The following ALG6 variants were observed in gnomAD, a reference collection of about 807,000 sequenced individuals.
The protein encoded by ALG6 is dolichyl pyrophosphate Man9GlcNAc2 alpha-1,3-glucosyltransferase.
ALG6 carries 46 observed loss-of-function variants against 66.6 expected under a neutral mutation model. That is an observed-to-expected ratio of 0.69 (90% confidence interval 0.55 to 0.88). The LOEUF is 0.88. Among genes scored for constraint, ALG6 ranks in the 40% least tolerant of loss-of-function variants. ALG6 has a pLI of 0.00. For missense variants in ALG6, 505 were observed against 586.8 expected (o/e 0.86, Z 1.44); for synonymous variants, 185 against 203.7 (o/e 0.91, Z 0.78).
chr1:63,398,058 A>G (rs1570053823), intron 3 of ALG6, among the ~76,000 whole-genome samples: 1 of 152,164 alleles, frequency 6.6e-6, no homozygotes, highest in South Asian at 2.1e-4. Context: ...TTGACTTACT[A>G]GATGGTTGGT....
rs1570092883 is a variant in ALG6 at position 63,431,635 on chromosome 1, C to G, written c.1326+2509C>G. On this transcript the variant is annotated intron_variant, in intron 14 of 14. Coordinates refer to ENST00000263440, the MANE Select transcript of ALG6 (RefSeq NM_013339.4). The stretch of plus-strand genomic sequence containing the variant: ...GAATATTGCCGTCTTAATATTTAGT[C>G]TTCCAATGAACAAACACAGGATGTG... 2.0e-5 allele frequency among the ~76,000 whole-genome samples: 3 copies of G among 152,134 alleles called. No homozygotes were observed. The South Asian group carries it at 6.2e-4, about 32-fold the overall frequency.
rs553503409 is a variant in ALG6, at chr1:63,438,091, A to T, written c.*1071A>T. 1.1e-4 allele frequency: 16 copies of T among 152,318 alleles called. No homozygotes were observed. The South Asian group carries it at 3.3e-3, about 32-fold the overall frequency. 9.4% of individuals were successfully genotyped at this position (152,318 alleles called of 1,614,324 possible). On this transcript the variant is annotated 3_prime_UTR_variant, in exon 15 of 15. Transcript: ENST00000263440. Reference sequence around the variant, plus strand: ...CATAAGATAGCCATTAAACTATATTAAGTGGTGGTATATTTTAATATAGTG... The same window carrying T: ...CATAAGATAGCCATTAAACTATATTTAGTGGTGGTATATTTTAATATAGTG...
chr1:63,436,965 A>C lies in ALG6; in HGVS notation c.1469A>C (p.Asn490Thr), dbSNP rs1644682638. 2 of 1,613,546 alleles carry C rather than the reference A, an allele frequency of 1.2e-6. No individual in the cohort carries two copies. Among genetic ancestry groups the C allele is most frequent in the Admixed American group, 3.3e-5 (2 of 59,970 alleles). The change falls in exon 15 of 15, where the codon AAC (asparagine) becomes ACC (threonine). Residue 490 changes from asparagine (N) to threonine (T), a missense_variant. Physicochemically the swap from Asn to Thr is moderately conservative, Grantham distance 65 (BLOSUM62 0). Coordinates refer to ENST00000263440, the MANE Select transcript of ALG6 (RefSeq NM_013339.4). ...TTCCTGTTCTTCTTGGTATACTTTA[A>C]CATTATTATTATGTGGGATTCCAAA... ...LNFLFFLVYF[N>T]IIIMWDSKSG...
Position 63,434,588 on chromosome 1 carries a change from T to C in ALG6, c.1327-2235T>C, listed in dbSNP as rs145505366. On this transcript the variant is annotated intron_variant, in intron 14 of 14. Transcript: ENST00000263440. ...TGCAGTGCAATACAAATTCATAAAC[T>C]TCTTAAAACCTGGAGTTTTTTTGCG... Among the ~76,000 whole-genome samples, 1,130 of 146,118 alleles carry C rather than the reference T, an allele frequency of 7.7e-3. 10 individuals are homozygous for C. Among genetic ancestry groups the C allele is most frequent in the African/African-American group, 0.025 (1,018 of 40,188 alleles).
chr1:63,393,069 T>G (rs1648719227), intron 2 of ALG6, among the ~76,000 whole-genome samples: 1 of 152,312 alleles, frequency 6.6e-6, no homozygotes, highest in East Asian at 1.9e-4. Flanking sequence ...AGGAAATTAC[T>G]TAAGATTCTC....
chr1:63,415,991 T>TTTAAAAA, intron 11 of ALG6, 34 bp downstream of exon 11: 1 of 1,394,574 alleles, frequency 7.2e-7, no homozygotes, highest in Non-Finnish European at 1.0e-6. Context: ...ACTTAATTCT[T>TTTAAAAA]GCCACAACTG....
At chr1:63,402,908 A>T (rs1456714662) in intron 4 of ALG6, among the ~76,000 whole-genome samples, 1 of 151,382 alleles carries the variant, frequency 6.6e-6, no homozygotes, top group Non-Finnish European at 1.5e-5. Flanking sequence ...CATCCTGGCT[A>T]ACATGGTGAA....
At chr1:63,382,641 GTTT>G (rs146212470) in intron 2 of ALG6, among the ~76,000 whole-genome samples, 3 of 51,048 alleles carry the variant, frequency 5.9e-5, no homozygotes, top group Non-Finnish European at 1.0e-4. Flanking sequence ...GCCTGGCTAA[GTTT>G]TTTTTTGTTT....
intron 12 of ALG6, among the ~76,000 whole-genome samples, chr1:63,419,917 T>G (rs1348736880): frequency 6.6e-6 from 1 of 152,198 alleles, no homozygotes; most frequent in African/African-American, 2.4e-5. Context: ...TTTAGAAGCA[T>G]TAAATTTTTT....
At chr1:63,398,833 G>C (rs767584643) in intron 3 of ALG6, among the ~76,000 whole-genome samples, 2 of 152,088 alleles carry the variant, frequency 1.3e-5, no homozygotes, top group Non-Finnish European at 2.9e-5. Context: ...GTTTGTAGTG[G>C]ATAATCATTT....
At chr1:63,382,111 G>T (rs1648331675) in intron 2 of ALG6, among the ~76,000 whole-genome samples, 1 of 151,214 alleles carries the variant, frequency 6.6e-6, no homozygotes, top group Admixed American at 6.6e-5. Flanking sequence ...CTTTTAATTT[G>T]TATGGGTACA....
intron 3 of ALG6, among the ~76,000 whole-genome samples, chr1:63,401,680 AAG>A (rs1644466166): frequency 6.6e-6 from 1 of 152,090 alleles, no homozygotes; most frequent in Non-Finnish European, 1.5e-5. Flanking sequence ...CCGTCTCAAA[AAG>A]AAATAAGCTT....
chr1:63,429,390 C>T (rs879383875), intron 14 of ALG6: 2 of 353,118 alleles, frequency 5.7e-6, no homozygotes, highest in Non-Finnish European at 5.2e-6. Context: ...ACTCCTAACT[C>T]CCTTCCTTGG....
At chr1:63,384,605 C>A (rs1648441438) in intron 2 of ALG6, among the ~76,000 whole-genome samples, 2 of 152,080 alleles carry the variant, frequency 1.3e-5, no homozygotes, top group Admixed American at 6.6e-5. Context: ...TTTCTTGGAG[C>A]AGTTTCATAG....
intron 12 of ALG6, among the ~76,000 whole-genome samples, chr1:63,422,420 TATATAA>T (rs1644590606): frequency 3.3e-5 from 1 of 30,408 alleles, no homozygotes. Flanking sequence ...TATAAATATA[TATATAA>T]ATATAAATAT....
At chr1:63,404,607 G>A in intron 5 of ALG6, 66 bp downstream of exon 5, 1 of 1,295,034 alleles carries the variant, frequency 7.7e-7, no homozygotes, top group Non-Finnish European at 1.1e-6. Flanking sequence ...AACTGGTAAA[G>A]GTACTATTAT....
intron 2 of ALG6, among the ~76,000 whole-genome samples, chr1:63,381,469 A>G (rs112136349): frequency 6.6e-6 from 1 of 151,964 alleles, no homozygotes; most frequent in African/African-American, 2.4e-5. Context: ...AAAAACAAAT[A>G]CAAAAACAAA....
chr1:63,422,531 T>C (rs1319705926), intron 12 of ALG6, among the ~76,000 whole-genome samples: 1 of 147,080 alleles, frequency 6.8e-6, no homozygotes, highest in East Asian at 2.0e-4. Context: ...TTGCATCAGA[T>C]GCTGCTTATA....
intron 14 of ALG6, among the ~76,000 whole-genome samples, chr1:63,434,963 G>A (rs575149015): frequency 6.6e-6 from 1 of 152,160 alleles, no homozygotes; most frequent in Admixed American, 6.6e-5. Flanking sequence ...CCAAGTGAAC[G>A]AAGTGTTTCA....
Sources: allele counts gnomAD v4.1 joint callset (sites outside exome capture counted in the v4.1 genomes callset), GRCh38; gene constraint gnomAD v4.1.1; transcripts MANE v1.5; gene names NCBI Gene and HGNC (gene_info 2026-07-23, HGNC 2026-07-21).